SLF2: variants seen among roughly 807,000 people sequenced by gnomAD.
SLF2 encodes SMC5-SMC6 complex localization factor protein 2.
Under a neutral mutation model 124.3 loss-of-function variants are expected in SLF2, and 68 were observed. The ratio of observed to expected loss-of-function variants is 0.55; its 90% CI spans 0.45 to 0.67. The LOEUF is 0.67. Ranked by LOEUF, SLF2 falls within the 30% of genes least tolerant of loss-of-function variation. The probability of loss-of-function intolerance (pLI) is 0.00; values close to 1 mark genes in which losing one functional copy is unlikely to be tolerated. For missense variants in SLF2, 1,246 were observed against 1,373.7 expected (o/e 0.91, Z 1.47); for synonymous variants, 480 against 478.8 (o/e 1.00, Z -0.03).
At chr10:100,931,772 T>A (rs1011210383) in intron 9 of SLF2, among the ~76,000 whole-genome samples, 3 of 152,074 alleles carry the variant, frequency 2.0e-5, no homozygotes, top group Non-Finnish European at 2.9e-5. Context: ...GGCAGGTGGA[T>A]CATGAGGTCA....
chr10:100,925,674 G>A (rs1589947310), intron 5 of SLF2, among the ~76,000 whole-genome samples: 2 of 152,098 alleles, frequency 1.3e-5, no homozygotes, highest in South Asian at 4.1e-4. Flanking sequence ...GTAAAGACAG[G>A]GTAGCCACAG....
chr10:100,929,859 T>A lies in SLF2; in HGVS notation c.2195T>A (p.Ile732Asn), dbSNP rs768681830. The A allele has an allele frequency of 1.2e-5, 19 of 1,579,302 alleles. No homozygotes were observed. The African/African-American group carries it at 2.5e-4, about 21-fold the overall frequency. Reference protein sequence around the residue: ...KEFLKKFSVTIDAIPDHHPGE... With the variant: ...KEFLKKFSVTNDAIPDHHPGE... ...TTTCTAAAGAAATTTTCAGTTACAA[T>A]TGATGCTATTCCTGATCATCATCCA... The change falls in exon 8 of 20, where the codon ATT becomes AAT. Residue 732 changes from isoleucine (I) to asparagine (N), a missense_variant. Around this residue, in one of 3 missense-constraint regions of SLF2, gnomAD observed 535 missense variants for 632.8 expected, o/e 0.85. Coordinates refer to ENST00000238961, the MANE Select transcript of SLF2 (RefSeq NM_018121.4).
chr10:100,920,946 C>T (rs1849513438), intron 4 of SLF2, among the ~76,000 whole-genome samples: 1 of 152,072 alleles, frequency 6.6e-6, no homozygotes, highest in Non-Finnish European at 1.5e-5. Flanking sequence ...AGGACTCAAT[C>T]TCGAAAAAAA....
At chr10:100,945,529 T>A (rs1169256844) in intron 13 of SLF2, 23 bp downstream of exon 13, 1 of 1,508,182 alleles carries the variant, frequency 6.6e-7, no homozygotes, top group Non-Finnish European at 8.8e-7. Flanking sequence ...AAAACTTCAT[T>A]ATTCATTTTT....
chr10:100,929,710 A>G (rs1255348381), intron 7 of SLF2, 120 bp from the exon 8 acceptor site: 15 of 759,576 alleles, frequency 2.0e-5, no homozygotes, highest in Non-Finnish European at 2.6e-5. Context: ...TTCTCATGCT[A>G]GTCTTCTAAT....
intron 11 of SLF2, among the ~76,000 whole-genome samples, chr10:100,942,431 G>A (rs540054447): frequency 4.6e-5 from 7 of 152,272 alleles, no homozygotes; most frequent in East Asian, 1.9e-4. Flanking sequence ...GATACGTTGC[G>A]CAAGGTATGG....
chr10:100,924,068 C>T lies in SLF2; in HGVS notation c.1067C>T (p.Ala356Val). The T allele has an allele frequency of 6.2e-7, 1 of 1,611,388 alleles. No individual in the cohort carries two copies. The highest frequency in any genetic ancestry group is 1.1e-5 in the South Asian group (1 of 90,748). Residue 356 changes from alanine (A) to valine (V), a missense_variant, in exon 5 of 20, where the codon GCA (alanine) becomes GTA (valine). Around this residue, in one of 3 missense-constraint regions of SLF2, gnomAD observed 698 missense variants for 708.9 expected, o/e 0.98. Transcript: ENST00000238961. ...ACAAGAGAATCTATGATACCAAAAGCAAGAGAGTCCTTCCTTGAGAAGCGT... is the reference window on the plus strand; with the variant it reads ...ACAAGAGAATCTATGATACCAAAAGTAAGAGAGTCCTTCCTTGAGAAGCGT... The part of the protein sequence containing the change: ...KSTRESMIPK[A>V]RESFLEKRPD...
intron 3 of SLF2, among the ~76,000 whole-genome samples, chr10:100,918,055 C>T (rs1849454011): frequency 6.6e-6 from 1 of 152,216 alleles, no homozygotes; most frequent in Non-Finnish European, 1.5e-5. Flanking sequence ...CATTGCACTC[C>T]AGCCTGGGTG....
intron 18 of SLF2, among the ~76,000 whole-genome samples, chr10:100,958,337 T>C (rs1466945306): frequency 6.6e-6 from 1 of 152,246 alleles, no homozygotes; most frequent in Non-Finnish European, 1.5e-5. Flanking sequence ...AATGAAGTTA[T>C]CAGATTTCTG....
chr10:100,926,060 T>C (rs1395593232), intron 6 of SLF2, 41 bp downstream of exon 6: 1 of 1,613,806 alleles, frequency 6.2e-7, no homozygotes, highest in Admixed American at 1.7e-5. Flanking sequence ...TTTAACATTT[T>C]GCTTGTTTGT....
intron 9 of SLF2, among the ~76,000 whole-genome samples, 183 bp from the exon 10 acceptor site, chr10:100,937,219 C>T (rs1397836022): frequency 6.6e-6 from 1 of 152,174 alleles, no homozygotes; most frequent in African/African-American, 2.4e-5. Context: ...CCGTCTTGCA[C>T]AGGCTGGTCT....
At chr10:100,932,727 G>A (rs565590958) in intron 9 of SLF2, among the ~76,000 whole-genome samples, 47 of 146,092 alleles carry the variant, frequency 3.2e-4, no homozygotes, top group Admixed American at 8.2e-4. Flanking sequence ...GTGTGCGCGC[G>A]CGCGCGCGCG....
chr10:100,916,498 C>G (rs1217862124), intron 2 of SLF2, 72 bp from the exon 3 acceptor site: 2 of 1,136,964 alleles, frequency 1.8e-6, no homozygotes, highest in African/African-American at 3.2e-5. Context: ...ATATTTTAAA[C>G]ATTAATAATT....
intron 18 of SLF2, 71 bp downstream of exon 18, chr10:100,956,608 G>A (rs1345532024): frequency 6.2e-6 from 7 of 1,138,144 alleles, no homozygotes; most frequent in Middle Eastern, 2.7e-4. Context: ...AAGGATAGAA[G>A]CATACAGGCC....
At chr10:100,928,335 A>G (rs75308105) in intron 6 of SLF2, among the ~76,000 whole-genome samples, 2,758 of 152,228 alleles carry the variant, frequency 0.018, 39 homozygotes, top group Middle Eastern at 0.051. Context: ...TCAGATGATT[A>G]GTAGTTCAAA....
chr10:100,953,276 T>TC (rs1360359232), intron 17 of SLF2, among the ~76,000 whole-genome samples: 2 of 151,450 alleles, frequency 1.3e-5, no homozygotes, highest in African/African-American at 4.8e-5. Context: ...CACCTCGGCC[T>TC]CCCAAAGTGC....
At chr10:100,939,760 G>A (rs147989422) in intron 11 of SLF2, among the ~76,000 whole-genome samples, 4 of 152,192 alleles carry the variant, frequency 2.6e-5, no homozygotes, top group African/African-American at 9.6e-5. Context: ...AGAAAAATGG[G>A]CAGAGGAAAT....
intron 15 of SLF2, 114 bp downstream of exon 15, chr10:100,947,961 T>A: frequency 1.5e-6 from 1 of 661,366 alleles, no homozygotes; most frequent in Non-Finnish European, 2.6e-6. Context: ...CTCTTAAGCT[T>A]GATACTGTTC....
intron 9 of SLF2, 152 bp downstream of exon 9, chr10:100,931,230 A>G: frequency 1.6e-6 from 1 of 637,946 alleles, no homozygotes. Context: ...AAAAGAGTCA[A>G]TATAAAGAGA....
Sources: gnomAD v4.1 joint callset for allele counts (sites outside exome capture counted in the v4.1 genomes callset) on GRCh38, gnomAD v4.1.1 for gene constraint, gnomAD v4.1.1 regional missense constraint, MANE v1.5 for transcripts, NCBI Gene and HGNC (gene_info 2026-07-23, HGNC 2026-07-21) for gene names.